Variants in PCMTD1 observed in about 807,000 individuals in gnomAD.
PCMTD1 encodes protein-L-isoaspartate (D-aspartate) O-methyltransferase domain containing 1.
PCMTD1 carries 12 observed loss-of-function variants against 37.6 expected under a neutral mutation model. The observed-to-expected ratio is 0.32, with a 90% CI of 0.20 to 0.52. The LOEUF (loss-of-function observed/expected upper bound fraction) is 0.52. PCMTD1 is among the 20% of genes least tolerant of loss of function. The probability of loss-of-function intolerance (pLI) is 0.97; values close to 1 mark genes in which losing one functional copy is unlikely to be tolerated. For synonymous variants in PCMTD1, 117 were observed against 135.8 expected, an observed-to-expected ratio of 0.86 and a Z score of 0.96; for missense variants, 235 against 421.3, an observed-to-expected ratio of 0.56 and a Z score of 3.87.
At chr8:51,892,072 G>C (rs924521853) in intron 1 of PCMTD1, among the ~76,000 whole-genome samples, 53 of 152,010 alleles carry the variant, frequency 3.5e-4, no homozygotes, top group African/African-American at 1.3e-3. Flanking sequence ...GATGATGGGG[G>C]CCTGCTTGTT....
intron 1 of PCMTD1, among the ~76,000 whole-genome samples, chr8:51,862,714 C>CCT (rs1453965163): frequency 6.6e-6 from 1 of 152,160 alleles, no homozygotes; most frequent in Non-Finnish European, 1.5e-5. Flanking sequence ...GGGCAGCTCC[C>CCT]CTAACACAGC....
intron 1 of PCMTD1, among the ~76,000 whole-genome samples, chr8:51,892,951 T>TAG (rs1211596146): frequency 6.6e-6 from 1 of 152,122 alleles, no homozygotes; most frequent in Non-Finnish European, 1.5e-5. Flanking sequence ...AGTTTATATA[T>TAG]TTTTTGTATC....
At chr8:51,869,705 A>G (rs76070180) in intron 1 of PCMTD1, among the ~76,000 whole-genome samples, 3,793 of 152,268 alleles carry the variant, frequency 0.025, 163 homozygotes, top group African/African-American at 0.086. Context: ...AAAGGTAAAT[A>G]TAGAAAAAGA....
rs1380106315 is a variant in PCMTD1, at chr8:51,856,189, T to TA, written c.307+4655dup. ...ACAACTCAACAATCAACAACTCAAT[T>TA]AAAAAACAGGAAAAGATTTGACTAG... is the stretch of plus-strand genomic sequence containing the variant. On this transcript the variant is annotated intron_variant, in intron 2 of 5. Transcript: ENST00000522514. Among the ~76,000 whole-genome samples, 5 of 151,952 alleles carry TA rather than the reference T, an allele frequency of 3.3e-5. No individual in the cohort carries two copies. The East Asian group carries it at 9.6e-4, about 29-fold the overall frequency.
chr8:51,824,935 C>T (rs140638912), intron 5 of PCMTD1, among the ~76,000 whole-genome samples: 1 of 152,106 alleles, frequency 6.6e-6, no homozygotes, highest in Non-Finnish European at 1.5e-5. Context: ...CAAAAACAAG[C>T]AATGGTGAAA....
rs78885742 is a variant in PCMTD1 at position 51,880,934 on chromosome 8, T to A, written c.-96+17996A>T. ...CACTAAAATTGGAATGTCATATCAT[T>A]TTCATGTCATAAAATAGTCTTCCAA... On this transcript the variant is annotated intron_variant, in intron 1 of 5. Transcript: ENST00000522514. Among the ~76,000 whole-genome samples, 328 of 152,324 alleles carry A rather than the reference T, an allele frequency of 2.2e-3. 2 individuals carry two copies. Among genetic ancestry groups the A allele is most frequent in the African/African-American group, 7.5e-3 (310 of 41,582 alleles).
At chr8:51,873,766 G>C (rs1044783813) in intron 1 of PCMTD1, among the ~76,000 whole-genome samples, 1 of 152,082 alleles carries the variant, frequency 6.6e-6, no homozygotes, top group African/African-American at 2.4e-5. Flanking sequence ...TCACCTTCCA[G>C]CATGAGTAAA....
intron 2 of PCMTD1, among the ~76,000 whole-genome samples, chr8:51,848,176 TAGG>T (rs983611323): frequency 1.3e-5 from 2 of 151,908 alleles, no homozygotes; most frequent in African/African-American, 4.8e-5. Flanking sequence ...GCTGCATAGA[TAGG>T]AGTTCAATTG....
chr8:51,872,443 T>C (rs2038652315), intron 1 of PCMTD1, among the ~76,000 whole-genome samples: 1 of 152,176 alleles, frequency 6.6e-6, no homozygotes. Context: ...CTTTTTAAAA[T>C]ATATATCCTT....
At chr8:51,896,455 A>C (rs1188267316) in intron 1 of PCMTD1, 1 of 152,192 alleles carries the variant, frequency 6.6e-6, no homozygotes, top group Non-Finnish European at 1.5e-5. Context: ...CTAATTTACA[A>C]AAAAGTTCAA....
intron 5 of PCMTD1, among the ~76,000 whole-genome samples, chr8:51,822,098 C>T (rs978613065): frequency 6.6e-6 from 1 of 152,122 alleles, no homozygotes; most frequent in Non-Finnish European, 1.5e-5. Context: ...TAGCTAAGAT[C>T]TAGATGATAT....
intron 1 of PCMTD1, among the ~76,000 whole-genome samples, chr8:51,884,939 C>T (rs984457356): frequency 2.0e-5 from 3 of 152,166 alleles, no homozygotes; most frequent in Non-Finnish European, 2.9e-5. Flanking sequence ...TGTTTCTTAA[C>T]ATCTATTTCT....
chr8:51,855,236 A>G (rs2038368950), intron 2 of PCMTD1, among the ~76,000 whole-genome samples: 1 of 151,092 alleles, frequency 6.6e-6, no homozygotes, highest in Non-Finnish European at 1.5e-5. Flanking sequence ...AGAAAAAAAA[A>G]AAAAAACAGA....
chr8:51,865,114 C>T (rs150484736), intron 1 of PCMTD1, among the ~76,000 whole-genome samples: 1 of 152,144 alleles, frequency 6.6e-6, no homozygotes, highest in African/African-American at 2.4e-5. Flanking sequence ...GTACAACCTA[C>T]CCAAGTTGAA....
intron 3 of PCMTD1, among the ~76,000 whole-genome samples, chr8:51,834,809 CAA>C (rs2038045912): frequency 6.6e-6 from 1 of 151,926 alleles, no homozygotes; most frequent in South Asian, 2.1e-4. Flanking sequence ...GAAAATTTAC[CAA>C]AATATATGCC....
chr8:51,851,689 C>T (rs1296108177), intron 2 of PCMTD1, among the ~76,000 whole-genome samples: 2 of 148,964 alleles, frequency 1.3e-5, no homozygotes, highest in African/African-American at 2.5e-5. Flanking sequence ...GAGTTTTGCG[C>T]TTATTACCCA....
intron 2 of PCMTD1, among the ~76,000 whole-genome samples, chr8:51,854,425 A>T (rs4330683): frequency 1.3e-5 from 2 of 151,954 alleles, no homozygotes; most frequent in South Asian, 4.1e-4. Flanking sequence ...CCATACAGAG[A>T]ACAAGAGCAG....
intron 1 of PCMTD1, among the ~76,000 whole-genome samples, chr8:51,885,814 AC>A (rs869132667): frequency 6.0e-5 from 4 of 66,528 alleles, no homozygotes; most frequent in Admixed American, 3.4e-4. Context: ...TTATGTCTCT[AC>A]AGGGGCATAC....
chr8:51,845,479 T>C (rs926230307), intron 3 of PCMTD1, 182 bp downstream of exon 3: 2 of 453,010 alleles, frequency 4.4e-6, no homozygotes, highest in Non-Finnish European at 7.9e-6. Flanking sequence ...TAATTTACTA[T>C]AGAATTACAT....
Sources: allele counts gnomAD v4.1 joint callset (sites outside exome capture counted in the v4.1 genomes callset), GRCh38; gene constraint gnomAD v4.1.1; transcripts MANE v1.5; gene names NCBI Gene and HGNC (gene_info 2026-07-23, HGNC 2026-07-21).